PLEKHG3: variants seen among roughly 807,000 people sequenced by gnomAD.
PLEKHG3 encodes the protein pleckstrin homology domain-containing family G member 3.
In PLEKHG3, 62 loss-of-function variants were observed where a neutral mutation model predicts 94.9. That is an observed-to-expected ratio of 0.65 (90% CI 0.53 to 0.81). The LOEUF (loss-of-function observed/expected upper bound fraction) is 0.81. PLEKHG3 is among the 30% of genes least tolerant of loss of function. The pLI, the probability that PLEKHG3 is intolerant of heterozygous loss-of-function variation, is 0.00. For synonymous variants in PLEKHG3, 614 were observed against 654.0 expected (o/e 0.94, Z 0.93); for missense variants, 1,461 against 1,619.3 (o/e 0.90, Z 1.68).
At chr14:64,724,991 T>C (rs1382074957) in intron 1 of PLEKHG3, among the ~76,000 whole-genome samples, 1 of 152,230 alleles carries the variant, frequency 6.6e-6, no homozygotes. Flanking sequence ...CTGTTATGCT[T>C]TGTTTTAGCC....
At position 64,739,156 on chromosome 14, in the gene PLEKHG3, A is replaced by G. The variant is rs1462555691; in HGVS notation, c.1518+301A>G. On this transcript the variant is annotated intron_variant, in intron 15 of 16. Coordinates refer to ENST00000247226, the MANE Select transcript of PLEKHG3 (RefSeq NM_001308147.2). The surrounding 1 kb of genome is among the most constrained non-coding windows in gnomAD (Gnocchi z 4.1). Reference sequence around the variant, plus strand: ...GGTATTAGGCTCCTTTCGTTAGGCCACCTTGTATGGGTTATAAGGCCCTGT... The same window carrying G: ...GGTATTAGGCTCCTTTCGTTAGGCCGCCTTGTATGGGTTATAAGGCCCTGT... Among the ~76,000 whole-genome samples, 1 of 152,164 alleles carries G rather than the reference A, an allele frequency of 6.6e-6. No homozygotes were observed. The highest frequency in any genetic ancestry group is 3.2e-3 in the Middle Eastern group (1 of 316).
rs1296542486 is a variant in PLEKHG3, at chr14:64,732,633, G to A, written c.1247-170G>A. 2.6e-5 allele frequency among the ~76,000 whole-genome samples: 4 copies of A among 152,280 alleles called. No individual in the cohort carries two copies. The highest frequency in any genetic ancestry group is 2.1e-4 in the South Asian group (1 of 4,830). ...GATTAAGGATGCTCTCCTGCTGAGC[G>A]GTGGGACTCTCAGTGCCTGAAGCTC... On this transcript the variant is annotated intron_variant, in intron 11 of 16. Coordinates refer to ENST00000247226, the MANE Select transcript of PLEKHG3 (RefSeq NM_001308147.2). The surrounding 1 kb of genome is among the most constrained non-coding windows in gnomAD (Gnocchi z 4.9).
In PLEKHG3 at chr14:64,732,767, G is replaced by A. The variant is rs1352505733; in HGVS notation, c.1247-36G>A. 6.6e-7 allele frequency: 1 copy of A among 1,519,482 alleles called. No homozygotes were observed. The highest frequency in any genetic ancestry group is 1.2e-5 in the South Asian group (1 of 84,700). The allele number at this position is 1,519,482 out of a possible 1,614,324, so 94.1% of individuals were successfully genotyped here. A position where few individuals can be genotyped will look rare whatever the true frequency, so the allele number is the denominator to read the frequency against. On this transcript the variant is annotated intron_variant, in intron 11 of 16. Coordinates refer to ENST00000247226, the MANE Select transcript of PLEKHG3 (RefSeq NM_001308147.2). This position sits in a 1 kb window ranked among gnomAD's most constrained non-coding sequence, Gnocchi z 4.9. ...TCTAGGGTAGGCCAAGGCCAATTGG[G>A]AATCAAAAGCTTGATCGTCTCTCTC...
chr14:64,734,720 T>C (rs2081537590), intron 12 of PLEKHG3, among the ~76,000 whole-genome samples: 1 of 139,402 alleles, frequency 7.2e-6, no homozygotes, highest in Admixed American at 7.1e-5. Context: ...CTCCCTTCCT[T>C]CCTTCCTTCT....
At chr14:64,711,496 C>G (rs988426475) in intron 1 of PLEKHG3, among the ~76,000 whole-genome samples, 2 of 151,758 alleles carry the variant, frequency 1.3e-5, no homozygotes, top group South Asian at 2.1e-4. Flanking sequence ...TCACTGCAAG[C>G]TCCGTCTCCC....
chr14:64,749,560 C>T lies in PLEKHG3; in HGVS notation c.*5857C>T. 6.2e-7 allele frequency: 1 copy of T among 1,604,042 alleles called. No homozygotes were observed. The highest frequency in any genetic ancestry group is 8.5e-7 in the Non-Finnish European group (1 of 1,178,508). On this transcript the variant is annotated 3_prime_UTR_variant, in exon 17 of 17. Coordinates refer to ENST00000247226, the MANE Select transcript of PLEKHG3 (RefSeq NM_001308147.2). This position sits in a 1 kb window ranked among gnomAD's most constrained non-coding sequence, Gnocchi z 4.7. ...GCAACAATGGTGGGGGCTCTTGGGA[C>T]TGCCCCTTCTGAGGGGGCCTCCAGG...
chr14:64,716,915 G>A lies in PLEKHG3; in HGVS notation c.-39-10678G>A, dbSNP rs554962529. On this transcript the variant is annotated intron_variant, in intron 1 of 16. Transcript: ENST00000247226. The surrounding 1 kb of genome is among the most constrained non-coding windows in gnomAD (Gnocchi z 5.0). Reference sequence around the variant, plus strand: ...TGTACGCTCCCAGCTGAGGCAGGAAGTGCCCCTCCTCTACCCAGGAACTGG... The same window carrying A: ...TGTACGCTCCCAGCTGAGGCAGGAAATGCCCCTCCTCTACCCAGGAACTGG... Among the ~76,000 whole-genome samples the A allele has an allele frequency of 6.6e-6, 1 of 152,328 alleles. No homozygotes were observed. The highest frequency in any genetic ancestry group is 1.5e-5 in the Non-Finnish European group (1 of 68,032).
chr14:64,732,576 T>G lies in PLEKHG3; in HGVS notation c.1246+116T>G. On this transcript the variant is annotated intron_variant, in intron 11 of 16. Coordinates refer to ENST00000247226, the MANE Select transcript of PLEKHG3 (RefSeq NM_001308147.2). This position sits in a 1 kb window ranked among gnomAD's most constrained non-coding sequence, Gnocchi z 4.9. ...ATTCCAGGAGCAGGGAGGGCGGGGG[T>G]CTCCTGTTAAGGGCTGGGGGGTGAA... is the stretch of plus-strand genomic sequence containing the variant. 1.1e-6 allele frequency: 1 copy of G among 926,640 alleles called. No individual in the cohort carries two copies. Among genetic ancestry groups the G allele is most frequent in the Non-Finnish European group, 1.8e-6 (1 of 563,090 alleles). The allele number at this position is 926,640 out of a possible 1,614,324, so 57.4% of individuals were successfully genotyped here.
Position 64,732,445 on chromosome 14 carries a change from G to C in PLEKHG3, c.1231G>C (p.Glu411Gln), listed in dbSNP as rs777988761. ...CCTTCAGGCCAAGGAAGCCATCTTG[G>C]AAATGGATTCCTATTGTAAGTGTAC... is the stretch of plus-strand genomic sequence containing the variant. ...IPQKAKEAIL[E>Q]MDSYYPNRYR... The change falls in exon 11 of 17, where the codon GAA becomes CAA. Residue 411 changes from glutamate to glutamine, a missense_variant. Coordinates refer to ENST00000247226, the MANE Select transcript of PLEKHG3 (RefSeq NM_001308147.2). The surrounding 1 kb of genome is among the most constrained non-coding windows in gnomAD (Gnocchi z 4.9). The C allele has an allele frequency of 1.2e-5, 19 of 1,613,666 alleles. No individual in the cohort carries two copies. The highest frequency in any genetic ancestry group is 1.3e-5 in the Non-Finnish European group (15 of 1,179,566).
intron 1 of PLEKHG3, among the ~76,000 whole-genome samples, chr14:64,713,489 C>A (rs1198047412): frequency 6.6e-6 from 1 of 152,186 alleles, no homozygotes; most frequent in African/African-American, 2.4e-5. Flanking sequence ...CTTTTTCTTT[C>A]TAAATCTGTC....
chr14:64,710,168 T>C (rs2081045334), intron 1 of PLEKHG3, among the ~76,000 whole-genome samples: 1 of 152,196 alleles, frequency 6.6e-6, no homozygotes, highest in South Asian at 2.1e-4. Context: ...TCCCATAATG[T>C]GTTCCATAAT....
chr14:64,712,106 T>G (rs569052303), intron 1 of PLEKHG3, among the ~76,000 whole-genome samples: 1 of 152,392 alleles, frequency 6.6e-6, no homozygotes, highest in Non-Finnish European at 1.5e-5. Context: ...TTGAATTGTC[T>G]TGGCACCCTT....
Position 64,720,169 on chromosome 14 carries a change from C to A in PLEKHG3, c.-39-7424C>A, listed in dbSNP as rs992940269. 5.9e-5 allele frequency among the ~76,000 whole-genome samples: 9 copies of A among 152,250 alleles called. No individual in the cohort carries two copies. On this transcript the variant is annotated intron_variant, in intron 1 of 16. Transcript: ENST00000247226. The surrounding 1 kb of genome is among the most constrained non-coding windows in gnomAD (Gnocchi z 4.1). Reference sequence around the variant, plus strand: ...TGGGACATTTGCAGGGAGACCAGATCATCACAGCCCCTTTTCTAAACTTGG... The same window carrying A: ...TGGGACATTTGCAGGGAGACCAGATAATCACAGCCCCTTTTCTAAACTTGG...
At position 64,711,703 on chromosome 14, in the gene PLEKHG3, C is replaced by T. The variant is rs373996606; in HGVS notation, c.-40+6999C>T. Among the ~76,000 whole-genome samples the T allele has an allele frequency of 1.2e-3, 189 of 152,336 alleles. 5 individuals are homozygous for T. The South Asian group carries it at 0.037, about 30-fold the overall frequency. ...CTGGAATTACAGGTGTGAGCCATTG[C>T]GCCCGGCCAAGAGTTCTTTATATAT... On this transcript the variant is annotated intron_variant, in intron 1 of 16. Transcript: ENST00000247226.
rs2081920643 is a variant in PLEKHG3, at chr14:64,750,041, C to T, written c.*6338C>T. On this transcript the variant is annotated 3_prime_UTR_variant, in exon 17 of 17. Transcript: ENST00000247226. ...GGCAGCAATCTCACAGATGGCATGT[C>T]TCAGGGCCAGGGGTTCCTCCCCATG... 1.6e-5 allele frequency: 26 copies of T among 1,614,078 alleles called. No homozygotes were observed. Among genetic ancestry groups the T allele is most frequent in the Non-Finnish European group, 2.1e-5 (25 of 1,180,038 alleles).
At position 64,749,397 on chromosome 14, in the gene PLEKHG3, C is replaced by T; in HGVS notation, c.*5694C>T. The T allele has an allele frequency of 6.2e-7, 1 of 1,609,284 alleles. No homozygotes were observed. The highest frequency in any genetic ancestry group is 8.5e-7 in the Non-Finnish European group (1 of 1,179,734). Reference sequence around the variant, plus strand: ...GCCGGAGAGGGAAGGCAGGGGCAGGCTCTGCGCCTTGACGCGGATGCTCTG... The same window carrying T: ...GCCGGAGAGGGAAGGCAGGGGCAGGTTCTGCGCCTTGACGCGGATGCTCTG... On this transcript the variant is annotated 3_prime_UTR_variant, in exon 17 of 17. Coordinates refer to ENST00000247226, the MANE Select transcript of PLEKHG3 (RefSeq NM_001308147.2). This position sits in a 1 kb window ranked among gnomAD's most constrained non-coding sequence, Gnocchi z 4.7.
chr14:64,737,102 C>T lies in PLEKHG3; in HGVS notation c.1384+211C>T, dbSNP rs1393165142. On this transcript the variant is annotated intron_variant, in intron 13 of 16. Transcript: ENST00000247226. ...CTCTCCCCCATGCACAGGCCTCATG[C>T]CCTTTCCTCCGGAAACAATGAGAGC... 5 of 649,892 alleles carry T rather than the reference C, an allele frequency of 7.7e-6. No homozygotes were observed. In the East Asian group the frequency reaches 1.4e-4, roughly 18 times the overall value. The allele number at this position is 649,892 out of a possible 1,614,324, so 40.3% of individuals were successfully genotyped here. A position where few individuals can be genotyped will look rare whatever the true frequency, so the allele number is the denominator to read the frequency against.
intron 15 of PLEKHG3, among the ~76,000 whole-genome samples, chr14:64,740,659 C>T (rs1356705071): frequency 6.6e-6 from 1 of 152,254 alleles, no homozygotes; most frequent in African/African-American, 2.4e-5. Context: ...CATGCTGGTT[C>T]CATGACACTG....
chr14:64,737,414 A>G, intron 14 of PLEKHG3, 39 bp downstream of exon 14: 1 of 1,496,620 alleles, frequency 6.7e-7, no homozygotes, highest in Non-Finnish European at 9.1e-7. Flanking sequence ...CTGACAGAGG[A>G]GGGTGGGACT....
Sources: allele counts gnomAD v4.1 joint callset (sites outside exome capture counted in the v4.1 genomes callset), GRCh38; gene constraint gnomAD v4.1.1; non-coding constraint Gnocchi (gnomAD v3.1); transcripts MANE v1.5; gene names NCBI Gene and HGNC (gene_info 2026-07-23, HGNC 2026-07-21).